Variants in KCNIP4 observed in about 807,000 individuals in gnomAD.
The protein encoded by KCNIP4 is potassium voltage-gated channel interacting protein 4, also known as Kv channel-interacting protein 4.
A neutral mutation model predicts 34.0 loss-of-function variants in KCNIP4; 12 were observed. That is an observed-to-expected ratio of 0.35 (90% CI 0.23 to 0.57). The LOEUF (loss-of-function observed/expected upper bound fraction) is 0.57, where lower values mean the gene tolerates loss of function less well. Ranked by LOEUF, KCNIP4 falls within the 20% of genes least tolerant of loss-of-function variation. The probability of loss-of-function intolerance (pLI) is 0.83; values close to 1 mark genes in which losing one functional copy is unlikely to be tolerated. For missense variants in KCNIP4, 238 were observed against 311.7 expected, an observed-to-expected ratio of 0.76 and a Z score of 1.78; for synonymous variants, 124 against 102.2, an observed-to-expected ratio of 1.21 and a Z score of -1.29.
chr4:21,814,464 C>G (rs1034158312), intron 1 of KCNIP4, among the ~76,000 whole-genome samples: 1 of 152,146 alleles, frequency 6.6e-6, no homozygotes, highest in Non-Finnish European at 1.5e-5. Flanking sequence ...CCTGCACAAG[C>G]TCTCTCCTGC....
At chr4:21,829,407 T>C (rs1174174721) in intron 1 of KCNIP4, among the ~76,000 whole-genome samples, 11 of 152,048 alleles carry the variant, frequency 7.2e-5, no homozygotes, top group Admixed American at 7.2e-4. Context: ...CTATTAATCA[T>C]AGATTTCATT....
chr4:21,928,089 G>A (rs1009969885), intron 1 of KCNIP4, among the ~76,000 whole-genome samples: 4 of 146,808 alleles, frequency 2.7e-5, no homozygotes, highest in Non-Finnish European at 4.5e-5. Context: ...AACTGGAAAA[G>A]TGCCTAGTCC....
At chr4:20,874,350 TTG>T (rs1723780931) in intron 2 of KCNIP4, among the ~76,000 whole-genome samples, 1 of 152,136 alleles carries the variant, frequency 6.6e-6, no homozygotes, top group Non-Finnish European at 1.5e-5. Context: ...AGCACTTTAC[TTG>T]TATTCGTTGT....
At chr4:21,118,373 CA>C (rs1749865370) in intron 1 of KCNIP4, among the ~76,000 whole-genome samples, 1 of 152,096 alleles carries the variant, frequency 6.6e-6, no homozygotes, top group African/African-American at 2.4e-5. Flanking sequence ...CAGGATCAAC[CA>C]AAGAAAATTA....
intron 1 of KCNIP4, among the ~76,000 whole-genome samples, chr4:21,396,540 G>A (rs1447325867): frequency 5.7e-5 from 1 of 17,480 alleles, no homozygotes; most frequent in Non-Finnish European, 3.4e-4. Context: ...TGGTGACAGA[G>A]CAAGACTCCA....
intron 3 of KCNIP4, among the ~76,000 whole-genome samples, chr4:20,834,219 A>G (rs1424439038): frequency 6.6e-6 from 1 of 152,214 alleles, no homozygotes; most frequent in South Asian, 2.1e-4. Context: ...AGATGTAGTC[A>G]CAGAAGCCCT....
intron 1 of KCNIP4, among the ~76,000 whole-genome samples, chr4:21,252,257 A>G (rs1179969638): frequency 5.9e-5 from 9 of 151,486 alleles, no homozygotes. Context: ...CCTCCCGAGT[A>G]GCCAGGATTA....
intron 1 of KCNIP4, among the ~76,000 whole-genome samples, chr4:21,865,687 C>A (rs1206448075): frequency 6.6e-6 from 1 of 151,964 alleles, no homozygotes; most frequent in African/African-American, 2.4e-5. Context: ...GGATTACAGG[C>A]ATGCGCCACC....
chr4:21,870,437 A>G (rs543370002), intron 1 of KCNIP4, among the ~76,000 whole-genome samples: 36 of 152,302 alleles, frequency 2.4e-4, no homozygotes, highest in Non-Finnish European at 4.6e-4. Flanking sequence ...TTATGTCATA[A>G]CAGTAAAAAA....
chr4:21,021,483 C>G (rs1740029209), intron 1 of KCNIP4, among the ~76,000 whole-genome samples: 2 of 152,136 alleles, frequency 1.3e-5, no homozygotes, highest in South Asian at 4.1e-4. Context: ...TAACACTTAG[C>G]TTAAAACATA....
intron 1 of KCNIP4, among the ~76,000 whole-genome samples, chr4:21,704,433 G>C (rs891661751): frequency 6.6e-6 from 1 of 152,100 alleles, no homozygotes; most frequent in African/African-American, 2.4e-5. Context: ...AACATACAGA[G>C]TGAAAGTGAA....
chr4:20,731,426 G>C (rs2162413), intron 8 of KCNIP4: 216,197 of 983,790 alleles, frequency 0.22, 24,408 homozygotes, highest in Non-Finnish European at 0.23. Flanking sequence ...ATAATTCTAA[G>C]TAAGCTAACA....
At chr4:21,834,527 G>A (rs1409419492) in intron 1 of KCNIP4, among the ~76,000 whole-genome samples, 1 of 152,180 alleles carries the variant, frequency 6.6e-6, no homozygotes, top group Admixed American at 6.5e-5. Flanking sequence ...ATACAATCAT[G>A]TCGTCTGCAA....
At chr4:21,808,773 T>C (rs1721451524) in intron 1 of KCNIP4, among the ~76,000 whole-genome samples, 1 of 152,198 alleles carries the variant, frequency 6.6e-6, no homozygotes, top group Admixed American at 6.5e-5. Flanking sequence ...TTCATGAACA[T>C]GATTCCATTA....
At chr4:20,988,392 C>T (rs1194114821) in intron 1 of KCNIP4, among the ~76,000 whole-genome samples, 2 of 152,180 alleles carry the variant, frequency 1.3e-5, no homozygotes, top group Non-Finnish European at 2.9e-5. Flanking sequence ...CTTTACATTT[C>T]CTTGCCCCAA....
At position 21,192,778 on chromosome 4, in the gene KCNIP4, G is replaced by A. The variant is rs1454266413; in HGVS notation, c.62-310069C>T. 2.6e-5 allele frequency among the ~76,000 whole-genome samples: 4 copies of A among 151,880 alleles called. No individual in the cohort carries two copies. In the East Asian group the frequency reaches 7.7e-4, roughly 29 times the overall value. The stretch of plus-strand genomic sequence containing the variant: ...TTATTTAAAAAGAAAAATAATGGCA[G>A]GCCTTGGCCACTCATGCCTGTAATC... On this transcript the variant is annotated intron_variant, in intron 1 of 8. Transcript: ENST00000382152.
rs1335389387 is a variant in KCNIP4, at chr4:21,768,657, T to C, written c.61+179914A>G. On this transcript the variant is annotated intron_variant, in intron 1 of 8. Transcript: ENST00000382152. ...AGTTGGTGTTACACTCTCAGATTTT[T>C]ATAAGTTTTAAGAAAGTTTCCTTCA... is the stretch of plus-strand genomic sequence containing the variant. Among the ~76,000 whole-genome samples the C allele has an allele frequency of 2.0e-5, 3 of 152,134 alleles. No individual in the cohort carries two copies. In the East Asian group the frequency reaches 5.8e-4, roughly 29 times the overall value.
chr4:21,857,858 A>G (rs1724851966), intron 1 of KCNIP4, among the ~76,000 whole-genome samples: 1 of 152,164 alleles, frequency 6.6e-6, no homozygotes, highest in African/African-American at 2.4e-5. Flanking sequence ...CCCTTCAGGG[A>G]GCCCAGACTT....
In KCNIP4 at chr4:21,409,907, T is replaced by C. The variant is rs115701063; in HGVS notation, c.62-527198A>G. Reference sequence around the variant, plus strand: ...CAGACCAAAGCGAAGAGGAAGAGTCTCTGTAAAGCCATGGAAGCAGCATGA... The same window carrying C: ...CAGACCAAAGCGAAGAGGAAGAGTCCCTGTAAAGCCATGGAAGCAGCATGA... On this transcript the variant is annotated intron_variant, in intron 1 of 8. Transcript: ENST00000382152. 3.0e-3 allele frequency among the ~76,000 whole-genome samples: 449 copies of C among 152,184 alleles called. 5 individuals are homozygous for C. Among genetic ancestry groups the C allele is most frequent in the African/African-American group, 0.01 (424 of 41,518 alleles).
Sources: gnomAD v4.1 joint callset for allele counts (sites outside exome capture counted in the v4.1 genomes callset) on GRCh38, gnomAD v4.1.1 for gene constraint, MANE v1.5 for transcripts, NCBI Gene and HGNC (gene_info 2026-07-23, HGNC 2026-07-21) for gene names.